The following GPC5 variants were observed in gnomAD, a reference collection of about 807,000 sequenced individuals.
GPC5 encodes glypican-5.
In GPC5, 47 loss-of-function variants were observed where a neutral mutation model predicts 53.9. The ratio of observed to expected loss-of-function variants is 0.87; its 90% CI spans 0.69 to 1.11. The LOEUF is 1.11. GPC5 is among the 50% of genes most tolerant of loss of function. The pLI is 0.00. For synonymous variants in GPC5, 286 were observed against 263.3 expected, an observed-to-expected ratio of 1.09 and a Z score of -0.84; for missense variants, 748 against 713.1, an observed-to-expected ratio of 1.05 and a Z score of -0.56.
intron 7 of GPC5, among the ~76,000 whole-genome samples, chr13:92,536,073 T>A (rs1170953887): frequency 6.6e-6 from 1 of 152,156 alleles, no homozygotes; most frequent in Non-Finnish European, 1.5e-5. Flanking sequence ...GAAAAATGGA[T>A]GAGTGTTACA....
Position 92,646,930 on chromosome 13 carries a change from ATGTGTGTGTGTGTG to A in GPC5, c.1562-219328_1562-219315del, listed in dbSNP as rs753380099. 1.5e-3 allele frequency among the ~76,000 whole-genome samples: 213 copies of A among 146,590 alleles called. 1 individual carries two copies. Among genetic ancestry groups the A allele is most frequent in the African/African-American group, 5.1e-3 (200 of 39,366 alleles). ...CATATATATGTAAATATATATAAAC[ATGTGTGTGTGTGTG>A]TGTGTGTGTGTGTGTGTGTGTGTAT... On this transcript the variant is annotated intron_variant, in intron 7 of 7. Transcript: ENST00000377067.
chr13:91,667,920 A>C (rs557629359), intron 2 of GPC5, among the ~76,000 whole-genome samples: 2 of 151,966 alleles, frequency 1.3e-5, no homozygotes, highest in East Asian at 3.9e-4. Flanking sequence ...TGCAGCAAAG[A>C]CTGTGGAACT....
intron 7 of GPC5, among the ~76,000 whole-genome samples, chr13:92,257,523 T>TGA (rs1050341912): frequency 9.8e-5 from 14 of 143,188 alleles, no homozygotes; most frequent in Non-Finnish European, 1.7e-4. Flanking sequence ...TTTCAGCTAG[T>TGA]GAGAGAGGTT....
intron 7 of GPC5, among the ~76,000 whole-genome samples, chr13:92,483,159 C>T (rs1283244821): frequency 6.6e-6 from 1 of 152,154 alleles, no homozygotes; most frequent in Admixed American, 6.6e-5. Context: ...GGGATTATTA[C>T]AATTCAAGGT....
Position 91,524,327 on chromosome 13 carries a change from G to GT in GPC5, c.325+75412dup, listed in dbSNP as rs1233523456. Among the ~76,000 whole-genome samples, 4 of 151,802 alleles carry GT rather than the reference G, an allele frequency of 2.6e-5. No individual in the cohort carries two copies. The East Asian group carries it at 7.8e-4, about 29-fold the overall frequency. On this transcript the variant is annotated intron_variant, in intron 2 of 7. Coordinates refer to ENST00000377067, the MANE Select transcript of GPC5 (RefSeq NM_004466.6). Reference sequence around the variant, plus strand: ...TCTAAAACATATTATAACATGGGGTGTTTTTTTATGTTTTTCAATTTAGTG... The same window carrying GT: ...TCTAAAACATATTATAACATGGGGTGTTTTTTTTATGTTTTTCAATTTAGTG...
chr13:91,676,691 G>A (rs749641856), intron 2 of GPC5, among the ~76,000 whole-genome samples: 1 of 152,154 alleles, frequency 6.6e-6, no homozygotes, highest in East Asian at 1.9e-4. Flanking sequence ...CAGGCTTCGT[G>A]CTTTCAGGAA....
intron 7 of GPC5, among the ~76,000 whole-genome samples, chr13:92,507,067 C>A (rs1315081856): frequency 6.6e-6 from 1 of 152,144 alleles, no homozygotes; most frequent in Non-Finnish European, 1.5e-5. Context: ...CTTCCTCTGC[C>A]TAGAATATTC....
At chr13:92,831,160 G>T (rs2138821265) in intron 7 of GPC5, among the ~76,000 whole-genome samples, 1 of 152,182 alleles carries the variant, frequency 6.6e-6, no homozygotes, top group African/African-American at 2.4e-5. Context: ...TCATGGCTAG[G>T]CTTGGCTTGA....
At chr13:91,905,835 T>G (rs1594654389) in intron 5 of GPC5, among the ~76,000 whole-genome samples, 2 of 152,258 alleles carry the variant, frequency 1.3e-5, no homozygotes, top group Non-Finnish European at 2.9e-5. Flanking sequence ...TATTATGATA[T>G]TTAATGTAAG....
intron 1 of GPC5, among the ~76,000 whole-genome samples, chr13:91,436,401 G>C (rs1288939385): frequency 6.6e-6 from 1 of 151,630 alleles, no homozygotes; most frequent in Non-Finnish European, 1.5e-5. Flanking sequence ...TGTTCTCGTT[G>C]GTTTCAAAGA....
At chr13:92,597,639 G>A (rs541784162) in intron 7 of GPC5, among the ~76,000 whole-genome samples, 18 of 151,984 alleles carry the variant, frequency 1.2e-4, no homozygotes, top group South Asian at 2.1e-4. Flanking sequence ...ATAATGCCAA[G>A]GAAACAAACT....
intron 2 of GPC5, among the ~76,000 whole-genome samples, chr13:91,570,400 G>T (rs1194460650): frequency 6.6e-6 from 1 of 152,120 alleles, no homozygotes; most frequent in Non-Finnish European, 1.5e-5. Flanking sequence ...TTTTGGATTT[G>T]AGATGCTCAA....
At chr13:92,480,869 G>A (rs558564398) in intron 7 of GPC5, among the ~76,000 whole-genome samples, 7 of 152,284 alleles carry the variant, frequency 4.6e-5, no homozygotes, top group South Asian at 2.1e-4. Context: ...GAGATTTGGC[G>A]AGGGAGGTGT....
intron 7 of GPC5, among the ~76,000 whole-genome samples, chr13:92,439,571 G>A (rs138689854): frequency 5.3e-5 from 8 of 152,140 alleles, no homozygotes; most frequent in African/African-American, 1.7e-4. Context: ...ATAAAGTGTG[G>A]GTACCAGAGA....
chr13:91,504,759 A>G (rs1884849080), intron 2 of GPC5, among the ~76,000 whole-genome samples: 2 of 152,000 alleles, frequency 1.3e-5, no homozygotes. Flanking sequence ...AGAGTTTGAA[A>G]CCAGCCTGGA....
chr13:92,452,325 A>G (rs933337322), intron 7 of GPC5, among the ~76,000 whole-genome samples: 3 of 152,198 alleles, frequency 2.0e-5, no homozygotes, highest in Admixed American at 2.0e-4. Flanking sequence ...TGGTGAAGTC[A>G]CTTTTTAACA....
chr13:92,157,591 A>G (rs2041954149), intron 7 of GPC5, among the ~76,000 whole-genome samples: 1 of 152,236 alleles, frequency 6.6e-6, no homozygotes, highest in African/African-American at 2.4e-5. Flanking sequence ...ATTTACAATT[A>G]CAAATGTTCT....
intron 7 of GPC5, among the ~76,000 whole-genome samples, chr13:92,238,733 G>A (rs748345151): frequency 9.2e-5 from 14 of 151,470 alleles, no homozygotes; most frequent in Non-Finnish European, 1.8e-4. Context: ...TTATCTTGGT[G>A]GGGTTACTTT....
chr13:92,164,692 C>T (rs923553513), intron 7 of GPC5, among the ~76,000 whole-genome samples: 21 of 152,166 alleles, frequency 1.4e-4, no homozygotes, highest in Admixed American at 3.9e-4. Flanking sequence ...CTTCTCACAG[C>T]TCCACTAGAT....
Sources: gnomAD v4.1 joint callset for allele counts (sites outside exome capture counted in the v4.1 genomes callset) on GRCh38, gnomAD v4.1.1 for gene constraint, MANE v1.5 for transcripts, NCBI Gene and HGNC (gene_info 2026-07-23, HGNC 2026-07-21) for gene names.